Variants in GRM5 observed in about 807,000 individuals in gnomAD.
The protein encoded by GRM5 is glutamate metabotropic receptor 5, also known as metabotropic glutamate receptor 5.
Under a neutral mutation model 83.1 loss-of-function variants are expected in GRM5, and 19 were observed. The observed-to-expected ratio is 0.23, with a 90% CI of 0.16 to 0.34. The LOEUF is 0.34. Ranked by LOEUF, GRM5 falls within the 10% of genes least tolerant of loss-of-function variation. The probability of loss-of-function intolerance (pLI) is 1.00; values close to 1 mark genes in which losing one functional copy is unlikely to be tolerated. For synonymous variants in GRM5, 675 were observed against 633.6 expected, an observed-to-expected ratio of 1.07 and a Z score of -0.98; for missense variants, 1,160 against 1,588.3, an observed-to-expected ratio of 0.73 and a Z score of 4.58.
intron 2 of GRM5, among the ~76,000 whole-genome samples, chr11:88,979,893 G>T (rs182158250): frequency 2.6e-5 from 4 of 152,144 alleles, no homozygotes; most frequent in Admixed American, 2.6e-4. Flanking sequence ...GTTGAGTCAC[G>T]GTCTTTCTAA....
At chr11:88,940,317 T>G (rs1174266458) in intron 2 of GRM5, among the ~76,000 whole-genome samples, 1 of 146,224 alleles carries the variant, frequency 6.8e-6, no homozygotes, top group Non-Finnish European at 1.5e-5. Flanking sequence ...GGTTCATGGT[T>G]TTTTTTTTTT....
chr11:88,831,021 G>A (rs1438271260), intron 3 of GRM5, among the ~76,000 whole-genome samples: 5 of 151,860 alleles, frequency 3.3e-5, no homozygotes, highest in Non-Finnish European at 7.4e-5. Flanking sequence ...ACCCCCCACC[G>A]AGGCCCTCCC....
chr11:88,781,602 A>C (rs1045809571), intron 3 of GRM5, among the ~76,000 whole-genome samples: 1 of 152,182 alleles, frequency 6.6e-6, no homozygotes, highest in African/African-American at 2.4e-5. Flanking sequence ...ATTCTCACAA[A>C]TGGTTCCCTG....
intron 7 of GRM5, among the ~76,000 whole-genome samples, chr11:88,571,399 T>G (rs1184828058): frequency 6.6e-6 from 1 of 152,202 alleles, no homozygotes; most frequent in Non-Finnish European, 1.5e-5. Context: ...ACATTTAGTT[T>G]GATGCCTTCA....
At chr11:88,617,603 G>A (rs968988505) in intron 4 of GRM5, among the ~76,000 whole-genome samples, 10 of 152,136 alleles carry the variant, frequency 6.6e-5, no homozygotes, top group African/African-American at 1.9e-4. Context: ...AAGCCCCCAG[G>A]TAACCCTGGC....
intron 3 of GRM5, among the ~76,000 whole-genome samples, chr11:88,688,775 T>C (rs1940708763): frequency 6.6e-6 from 1 of 152,042 alleles, no homozygotes; most frequent in East Asian, 1.9e-4. Context: ...ATATTCATAG[T>C]TGCATAGTAG....
chr11:88,987,958 C>T (rs1436478005), intron 2 of GRM5, among the ~76,000 whole-genome samples: 1 of 150,900 alleles, frequency 6.6e-6, no homozygotes, highest in Non-Finnish European at 1.5e-5. Flanking sequence ...AGGGCCTCTC[C>T]TCCTCCAAAG....
intron 7 of GRM5, among the ~76,000 whole-genome samples, chr11:88,581,948 C>G (rs1473122588): frequency 1.3e-5 from 2 of 152,160 alleles, no homozygotes; most frequent in Admixed American, 1.3e-4. Flanking sequence ...ACATGAATTC[C>G]CTTTCCACCC....
At chr11:88,779,020 A>T (rs1942918946) in intron 3 of GRM5, among the ~76,000 whole-genome samples, 2 of 152,236 alleles carry the variant, frequency 1.3e-5, no homozygotes, top group African/African-American at 4.8e-5. Context: ...TATAATAAAT[A>T]GCTTACATAA....
intron 2 of GRM5, among the ~76,000 whole-genome samples, chr11:88,969,576 A>G (rs1939104085): frequency 6.6e-6 from 1 of 152,080 alleles, no homozygotes; most frequent in Non-Finnish European, 1.5e-5. Context: ...TTTTAACTTT[A>G]TCAAATATGT....
At chr11:88,551,381 C>G (rs117944174) in intron 8 of GRM5, among the ~76,000 whole-genome samples, 1,793 of 152,270 alleles carry the variant, frequency 0.012, 18 homozygotes, top group Non-Finnish European at 0.016. Context: ...GGTCTCTTTT[C>G]TCATCTACCT....
At chr11:89,017,267 C>T (rs1207127883) in intron 2 of GRM5, among the ~76,000 whole-genome samples, 2 of 152,092 alleles carry the variant, frequency 1.3e-5, no homozygotes, top group Non-Finnish European at 2.9e-5. Context: ...TAGCAATGCT[C>T]AATGAATAGA....
intron 3 of GRM5, among the ~76,000 whole-genome samples, chr11:88,821,390 G>T (rs1943792273): frequency 6.6e-6 from 1 of 150,772 alleles, no homozygotes; most frequent in African/African-American, 2.4e-5. Context: ...AAAGCAGGGG[G>T]CATAAAGTAG....
chr11:88,712,043 A>T (rs77920800), intron 3 of GRM5, among the ~76,000 whole-genome samples: 2 of 152,088 alleles, frequency 1.3e-5, no homozygotes, highest in Admixed American at 1.3e-4. Flanking sequence ...ATGAATGAGT[A>T]TATAAAGCAC....
chr11:88,847,431 T>C (rs936187964), intron 3 of GRM5, among the ~76,000 whole-genome samples: 10 of 152,212 alleles, frequency 6.6e-5, no homozygotes, highest in Non-Finnish European at 1.3e-4. Context: ...ATTTGATAAA[T>C]GGTCCTATAA....
Position 88,508,791 on chromosome 11 carries a change from C to G in GRM5, c.3440G>C (p.Gly1147Ala), listed in dbSNP as rs1941256683. 3.4e-6 allele frequency: 5 copies of G among 1,460,356 alleles called. No individual in the cohort carries two copies. Among genetic ancestry groups the G allele is most frequent in the Non-Finnish European group, 4.5e-6 (5 of 1,112,882 alleles). The allele number at this position is 1,460,356 out of a possible 1,614,324, so 90.5% of individuals were successfully genotyped here. ...TGGCTTGGCGGCCGCAGCCTCGGGA[C>G]CGGCCGCGGGGCTCTCCCGGGCCGC... ...GDAARESPAA[G>A]PEAAAAKPDL... The change falls in exon 10 of 10, where the codon GGT becomes GCT. Residue 1147 changes from glycine (G) to alanine (A), a missense_variant. By Grantham distance (60) the Gly-to-Ala change is moderately conservative. Transcript: ENST00000305447. This position sits in a 1 kb window ranked among gnomAD's most constrained non-coding sequence, Gnocchi z 4.2.
At chr11:88,841,214 C>G (rs1310513921) in intron 3 of GRM5, among the ~76,000 whole-genome samples, 1 of 152,116 alleles carries the variant, frequency 6.6e-6, no homozygotes, top group Non-Finnish European at 1.5e-5. Flanking sequence ...CATTAAAAAC[C>G]TGTTACAGCA....
At chr11:88,556,587 C>G (rs1175602216) in intron 8 of GRM5, among the ~76,000 whole-genome samples, 2 of 152,020 alleles carry the variant, frequency 1.3e-5, no homozygotes, top group Non-Finnish European at 2.9e-5. Context: ...TCCCAAAGTT[C>G]TGGGATTACA....
chr11:88,696,020 A>G (rs1446714128), intron 3 of GRM5, among the ~76,000 whole-genome samples: 1 of 152,200 alleles, frequency 6.6e-6, no homozygotes, highest in Non-Finnish European at 1.5e-5. Context: ...GGCTTTCTGT[A>G]TCCTGGATTC....
Sources: gnomAD v4.1 joint callset for allele counts (sites outside exome capture counted in the v4.1 genomes callset) on GRCh38, gnomAD v4.1.1 for gene constraint, Gnocchi (gnomAD v3.1) non-coding constraint, MANE v1.5 for transcripts, NCBI Gene and HGNC (gene_info 2026-07-23, HGNC 2026-07-21) for gene names.